Variants in STK32B observed in about 807,000 individuals in gnomAD.
The protein encoded by STK32B is serine/threonine-protein kinase 32B.
A neutral mutation model predicts 52.6 loss-of-function variants in STK32B; 43 were observed. That is an observed-to-expected ratio of 0.82 (90% CI 0.64 to 1.05). The LOEUF (loss-of-function observed/expected upper bound fraction) is 1.05, where lower values mean the gene tolerates loss of function less well. Ranked by LOEUF, STK32B falls within the 50% of genes least tolerant of loss-of-function variation. The pLI, the probability that STK32B is intolerant of heterozygous loss-of-function variation, is 0.00. For synonymous variants in STK32B, 238 were observed against 204.3 expected, an observed-to-expected ratio of 1.17 and a Z score of -1.41; for missense variants, 621 against 534.6, an observed-to-expected ratio of 1.16 and a Z score of -1.59.
chr4:5,265,518 G>A lies in STK32B; in HGVS notation c.261-65702G>A, dbSNP rs1727003552. 2.0e-5 allele frequency among the ~76,000 whole-genome samples: 3 copies of A among 152,262 alleles called. No individual in the cohort carries two copies. In the South Asian group the frequency reaches 6.2e-4, roughly 32 times the overall value. On this transcript the variant is annotated intron_variant, in intron 3 of 11. Transcript: ENST00000282908. Reference sequence around the variant, plus strand: ...CCTCAGAGCTAATTGAAATGATGGGGTCCCAGGTTTATGGACAAGCACTGA... The same window carrying A: ...CCTCAGAGCTAATTGAAATGATGGGATCCCAGGTTTATGGACAAGCACTGA...
At chr4:5,051,990 G>A (rs1741806530) in intron 1 of STK32B, 75 bp downstream of exon 1, 3 of 1,543,804 alleles carry the variant, frequency 1.9e-6, no homozygotes, top group Non-Finnish European at 2.6e-6. Flanking sequence ...CGAGCCCTGC[G>A]GGGCACCGCA....
intron 1 of STK32B, among the ~76,000 whole-genome samples, chr4:5,126,528 G>T (rs1309839427): frequency 6.6e-6 from 1 of 152,252 alleles, no homozygotes; most frequent in Admixed American, 6.5e-5. Context: ...TGCTGCCTGG[G>T]CATCTTCCCA....
At chr4:5,067,130 A>G (rs1443223767) in intron 1 of STK32B, among the ~76,000 whole-genome samples, 1 of 152,226 alleles carries the variant, frequency 6.6e-6, no homozygotes. Context: ...GGCAAAAGGT[A>G]CATCTTGCAT....
At chr4:5,279,566 G>A (rs1440038552) in intron 3 of STK32B, among the ~76,000 whole-genome samples, 1 of 152,166 alleles carries the variant, frequency 6.6e-6, no homozygotes, top group Non-Finnish European at 1.5e-5. Context: ...CCATTCTGGG[G>A]TCTGGAGGAT....
intron 3 of STK32B, among the ~76,000 whole-genome samples, chr4:5,313,628 T>A (rs1314623698): frequency 2.0e-5 from 3 of 152,168 alleles, no homozygotes; most frequent in African/African-American, 4.8e-5. Context: ...AAAATTAAAA[T>A]ATCCTGGAAC....
At chr4:5,344,703 T>TG (rs1318879666) in intron 4 of STK32B, among the ~76,000 whole-genome samples, 2 of 152,126 alleles carry the variant, frequency 1.3e-5, no homozygotes, top group African/African-American at 4.8e-5. Context: ...TTTTTTTTTT[T>TG]TGTCTTTTAA....
At chr4:5,168,267 CCTGA>C in intron 2 of STK32B, 28 bp from the exon 3 acceptor site, 5 of 1,588,452 alleles carry the variant, frequency 3.1e-6, no homozygotes, top group Non-Finnish European at 4.3e-6. Context: ...CGATTGTTGG[CCTGA>C]CTGTTCTCTC....
chr4:5,177,094 G>A (rs1719964183), intron 3 of STK32B, among the ~76,000 whole-genome samples: 1 of 152,206 alleles, frequency 6.6e-6, no homozygotes, highest in Non-Finnish European at 1.5e-5. Context: ...TTATATATGT[G>A]TGTATGTGTA....
chr4:5,465,174 A>G (rs1329059165), intron 9 of STK32B, among the ~76,000 whole-genome samples: 2 of 152,194 alleles, frequency 1.3e-5, no homozygotes, highest in Non-Finnish European at 2.9e-5. Context: ...CCATTAGCCC[A>G]CGAATGACAC....
chr4:5,410,159 A>G (rs1232194730), intron 5 of STK32B, among the ~76,000 whole-genome samples: 5 of 152,194 alleles, frequency 3.3e-5, no homozygotes, highest in Non-Finnish European at 7.3e-5. Flanking sequence ...TCCAAAGTGC[A>G]ATTATTATTA....
At chr4:5,191,810 T>C (rs1390822629) in intron 3 of STK32B, among the ~76,000 whole-genome samples, 1 of 152,172 alleles carries the variant, frequency 6.6e-6, no homozygotes, top group Non-Finnish European at 1.5e-5. Context: ...CAAAATAAAT[T>C]GCAATTTGTA....
chr4:5,471,839 G>T (rs1440872856), intron 11 of STK32B, among the ~76,000 whole-genome samples: 2 of 152,150 alleles, frequency 1.3e-5, no homozygotes, highest in Admixed American at 1.3e-4. Context: ...TGACTCCCTT[G>T]CCCTTAGGGG....
rs1378125832 is a variant in STK32B at position 5,051,495 on chromosome 4, C to T, written c.-369C>T. The T allele has an allele frequency of 1.1e-4, 31 of 290,968 alleles. 1 individual carries two copies. In the South Asian group the frequency reaches 1.7e-3, roughly 16 times the overall value. 18.0% of individuals were successfully genotyped at this position (290,968 alleles called of 1,614,324 possible). A position where few individuals can be genotyped will look rare whatever the true frequency, so the allele number is the denominator to read the frequency against. ...TCCCCCGCTCCTTCCCCTCCTTCCCCTGCTCCCGCGCCGCCTCGCGTCTCC... is the reference window on the plus strand; with the variant it reads ...TCCCCCGCTCCTTCCCCTCCTTCCCTTGCTCCCGCGCCGCCTCGCGTCTCC... On this transcript the variant is annotated 5_prime_UTR_variant, in exon 1 of 12. Coordinates refer to ENST00000282908, the MANE Select transcript of STK32B (RefSeq NM_018401.3).
intron 4 of STK32B, among the ~76,000 whole-genome samples, chr4:5,343,364 G>T (rs1733227561): frequency 6.6e-6 from 1 of 152,082 alleles, no homozygotes; most frequent in South Asian, 2.1e-4. Context: ...GGACATTTGG[G>T]TTGGTTCACA....
At chr4:5,480,843 T>C (rs886317427) in intron 11 of STK32B, among the ~76,000 whole-genome samples, 1 of 152,268 alleles carries the variant, frequency 6.6e-6, no homozygotes, top group Non-Finnish European at 1.5e-5. Context: ...TTTGGTGTTT[T>C]GTCCTTGCGA....
At chr4:5,345,523 A>G (rs1180283326) in intron 4 of STK32B, 2 of 152,232 alleles carry the variant, frequency 1.3e-5, no homozygotes, top group Admixed American at 6.5e-5. Flanking sequence ...GACCATAATG[A>G]TAACCAACAT....
At chr4:5,028,704 G>A in the STK32B span, among the ~76,000 whole-genome samples, 1 of 152,232 alleles carries the variant, frequency 6.6e-6, no homozygotes, top group East Asian at 1.9e-4. Context: ...TCTGTGGTAA[G>A]GACTAGGAGT....
chr4:5,122,690 TACTC>T (rs1270494066), intron 1 of STK32B, among the ~76,000 whole-genome samples: 3 of 152,188 alleles, frequency 2.0e-5, no homozygotes, highest in African/African-American at 7.2e-5. Context: ...TTCACTCATT[TACTC>T]ACTCAGCTGT....
In STK32B at chr4:5,244,620, T is replaced by A. The variant is rs1416532383; in HGVS notation, c.260+76170T>A. ...TAGTTATTTCTTGCCTTCTGCTAGC[T>A]TTTGAATGTGTTTGCTCTTGCTTCT... On this transcript the variant is annotated intron_variant, in intron 3 of 11. Coordinates refer to ENST00000282908, the MANE Select transcript of STK32B (RefSeq NM_018401.3). Among the ~76,000 whole-genome samples, 48 of 152,330 alleles carry A rather than the reference T, an allele frequency of 3.2e-4. 1 individual carries two copies. The highest frequency in any genetic ancestry group is 1.1e-3 in the African/African-American group (45 of 41,574).
Sources: allele counts gnomAD v4.1 joint callset (sites outside exome capture counted in the v4.1 genomes callset), GRCh38; gene constraint gnomAD v4.1.1; transcripts MANE v1.5; gene names NCBI Gene and HGNC (gene_info 2026-07-23, HGNC 2026-07-21).